SCN2A: variants seen among roughly 807,000 people sequenced by gnomAD.
SCN2A encodes the protein sodium voltage-gated channel alpha subunit 2, also known as sodium channel protein type 2 subunit alpha.
A neutral mutation model predicts 188.7 loss-of-function variants in SCN2A; 20 were observed. The observed-to-expected ratio is 0.11, with a 90% CI of 0.07 to 0.15. SCN2A has a LOEUF of 0.15. SCN2A is among the 10% of genes least tolerant of loss of function. The pLI is 1.00. For missense variants in SCN2A, 1,278 were observed against 2,445.0 expected, an observed-to-expected ratio of 0.52 and a Z score of 10.07; for synonymous variants, 804 against 833.1, an observed-to-expected ratio of 0.97 and a Z score of 0.60.
At chr2:165,354,150 A>G in intron 16 of SCN2A, 42 bp from the exon 17 acceptor site, 1 of 1,612,052 alleles carries the variant, frequency 6.2e-7, no homozygotes, top group East Asian at 2.2e-5. Flanking sequence ...CAATTGAAGC[A>G]ATAGAATGTT....
At chr2:165,305,651 G>A (rs1559349705) in intron 3 of SCN2A, among the ~76,000 whole-genome samples, 1 of 152,200 alleles carries the variant, frequency 6.6e-6, no homozygotes, top group African/African-American at 2.4e-5. Context: ...CATCCTTGTT[G>A]AATGCTGCTT....
chr2:165,367,168 C>G (rs189311946), intron 18 of SCN2A, 49 bp from the exon 19 acceptor site: 1 of 1,580,098 alleles, frequency 6.3e-7, no homozygotes. Context: ...ACAAATATAC[C>G]TAATCAAAGA....
At chr2:165,337,139 ACT>A (rs1243534050) in intron 14 of SCN2A, among the ~76,000 whole-genome samples, 1 of 152,052 alleles carries the variant, frequency 6.6e-6, no homozygotes, top group Non-Finnish European at 1.5e-5. Flanking sequence ...AAAAGGAATA[ACT>A]CAGACATTTT....
intron 18 of SCN2A, 36 bp downstream of exon 18, chr2:165,365,299 C>A: frequency 6.2e-7 from 1 of 1,611,484 alleles, no homozygotes; most frequent in South Asian, 1.1e-5. Context: ...TCTTGAGTAT[C>A]CTCTTTTCTA....
chr2:165,323,147 T>A lies in SCN2A; in HGVS notation c.1672-9T>A. On this transcript the variant is annotated splice_polypyrimidine_tract_variant and intron_variant, in intron 11 of 26. Coordinates refer to ENST00000375437, the MANE Select transcript of SCN2A (RefSeq NM_001040142.2). ...ATCTCATTTTTGTTTCTTCTCTTGT[T>A]ATTCATAGTCCTTACTGAGCATCCG... 1 of 1,613,048 alleles carries A rather than the reference T, an allele frequency of 6.2e-7. No homozygotes were observed. The highest frequency in any genetic ancestry group is 8.5e-7 in the Non-Finnish European group (1 of 1,179,214).
chr2:165,271,289 A>T (rs1695092457), intron 1 of SCN2A: 2 of 152,126 alleles, frequency 1.3e-5, no homozygotes, highest in African/African-American at 4.8e-5. Flanking sequence ...CCACCTCCTA[A>T]TTATTTTGGA....
Position 165,313,682 on chromosome 2 carries a change from G to A in SCN2A, c.1097G>A (p.Ser366Asn). The A allele has an allele frequency of 6.2e-7, 1 of 1,613,670 alleles. No individual in the cohort carries two copies. Among genetic ancestry groups the A allele is most frequent in the Non-Finnish European group, 8.5e-7 (1 of 1,179,670 alleles). Residue 366 changes from serine to asparagine, a missense_variant, in exon 9 of 27, where the codon AGC becomes AAC. By Grantham distance (46) the Ser-to-Asn change is conservative. This residue lies in a region of SCN2A where 42 missense variants were observed against 137.3 expected (regional missense o/e 0.31). Coordinates refer to ENST00000375437, the MANE Select transcript of SCN2A (RefSeq NM_001040142.2). ...AGRNPNYGYTSFDTFSWAFLS... is the reference protein window; with the variant it reads ...AGRNPNYGYTNFDTFSWAFLS... The stretch of plus-strand genomic sequence containing the variant: ...AGAAACCCCAACTATGGCTACACGA[G>A]CTTTGACACCTTTAGTTGGGCCTTT...
intron 15 of SCN2A, 95 bp downstream of exon 15, chr2:165,342,564 T>C (rs1699372344): frequency 1.5e-6 from 2 of 1,340,360 alleles, no homozygotes; most frequent in South Asian, 2.4e-5. Context: ...ATCATTATAA[T>C]ATTATTTGAA....
In SCN2A at chr2:165,345,113, C is replaced by A. The variant is rs576231139; in HGVS notation, c.2919+202C>A. Among the ~76,000 whole-genome samples, 6 of 152,208 alleles carry A rather than the reference C, an allele frequency of 3.9e-5. No individual in the cohort carries two copies. The East Asian group carries it at 9.6e-4, about 24-fold the overall frequency. The stretch of plus-strand genomic sequence containing the variant: ...AACTACCTTTTGAACCAAAGTTATT[C>A]TTTCTTTCATTATCCTTCTTGCTAC... On this transcript the variant is annotated intron_variant, in intron 16 of 26. Transcript: ENST00000375437.
rs752933917 is a variant in SCN2A, at chr2:165,389,230, T to C, written c.5424T>C (p.Asp1808=). The C allele has an allele frequency of 1.9e-6, 3 of 1,614,108 alleles. No individual in the cohort carries two copies. The highest frequency in any genetic ancestry group is 1.3e-5 in the African/African-American group (1 of 75,022). ...FYEVWEKFDP[D]ATQFIEFAKL... is the part of the protein sequence containing the mutation. ...AGGTTTGGGAGAAGTTTGATCCCGATGCGACCCAGTTTATAGAGTTTGCCA... is the reference window on the plus strand; with the variant it reads ...AGGTTTGGGAGAAGTTTGATCCCGACGCGACCCAGTTTATAGAGTTTGCCA... The change falls in exon 27 of 27, where the codon GAT becomes GAC. Residue 1808 remains aspartate (D), a synonymous_variant. Coordinates refer to ENST00000375437, the MANE Select transcript of SCN2A (RefSeq NM_001040142.2). The surrounding 1 kb of genome is among the most constrained non-coding windows in gnomAD (Gnocchi z 4.2).
intron 3 of SCN2A, among the ~76,000 whole-genome samples, chr2:165,304,046 C>G (rs1028013162): frequency 6.6e-6 from 1 of 152,030 alleles, no homozygotes; most frequent in African/African-American, 2.4e-5. Flanking sequence ...TAATTTCCAC[C>G]TTATATTTTT....
intron 1 of SCN2A, among the ~76,000 whole-genome samples, chr2:165,289,165 G>T (rs1308334372): frequency 6.6e-6 from 1 of 151,884 alleles, no homozygotes. Context: ...TCTAGAGCAT[G>T]TATTATTAAT....
chr2:165,329,417 T>A (rs992910124), intron 13 of SCN2A, among the ~76,000 whole-genome samples: 1 of 152,204 alleles, frequency 6.6e-6, no homozygotes, highest in African/African-American at 2.4e-5. Context: ...GCAGGAATAA[T>A]GGAGATGTGG....
chr2:165,326,761 A>G lies in SCN2A; in HGVS notation c.2017-91A>G, dbSNP rs948497623. ...TTTTACATCTGAGAAAGCATGGTGT[A>G]TATTTAGTTAAATAACACCTGTTGT... is the stretch of plus-strand genomic sequence containing the variant. On this transcript the variant is annotated intron_variant, in intron 12 of 26. Transcript: ENST00000375437. 7.6e-6 allele frequency: 10 copies of G among 1,318,210 alleles called. No individual in the cohort carries two copies. In the African/African-American group the frequency reaches 1.5e-4, roughly 19 times the overall value. 81.7% of individuals were successfully genotyped at this position (1,318,210 alleles called of 1,614,324 possible).
At chr2:165,362,020 T>C (rs1243442264) in intron 17 of SCN2A, among the ~76,000 whole-genome samples, 1 of 152,012 alleles carries the variant, frequency 6.6e-6, no homozygotes, top group Non-Finnish European at 1.5e-5. Context: ...AGATAGGAAG[T>C]GTTAGTAGTT....
At chr2:165,345,589 GT>G (rs967253873) in intron 16 of SCN2A, among the ~76,000 whole-genome samples, 5 of 147,714 alleles carry the variant, frequency 3.4e-5, no homozygotes, top group East Asian at 3.9e-4. Context: ...TCCTCCATCC[GT>G]TTTTTTTGTG....
At chr2:165,267,508 C>T (rs1574469973) in intron 1 of SCN2A, 1 of 151,828 alleles carries the variant, frequency 6.6e-6, no homozygotes, top group African/African-American at 2.4e-5. Flanking sequence ...AATGGATTAA[C>T]AACTTACAGA....
At chr2:165,377,076 C>T (rs1366969442) in intron 22 of SCN2A, among the ~76,000 whole-genome samples, 1 of 152,004 alleles carries the variant, frequency 6.6e-6, no homozygotes, top group Non-Finnish European at 1.5e-5. Context: ...GATTAGGAAA[C>T]TGCTTCCTCT....
intron 1 of SCN2A, among the ~76,000 whole-genome samples, chr2:165,291,352 G>C (rs12612452): frequency 0.13 from 7,270 of 55,156 alleles, 616 homozygotes; most frequent in Non-Finnish European, 0.15. Flanking sequence ...TCTGTCGTTC[G>C]TTCCTTCCTT....
Sources: gnomAD v4.1 joint callset for allele counts (sites outside exome capture counted in the v4.1 genomes callset) on GRCh38, gnomAD v4.1.1 for gene constraint, gnomAD v4.1.1 regional missense constraint, Gnocchi (gnomAD v3.1) non-coding constraint, MANE v1.5 for transcripts, NCBI Gene and HGNC (gene_info 2026-07-23, HGNC 2026-07-21) for gene names.